MSRA: variants seen among roughly 807,000 people sequenced by gnomAD.
MSRA encodes the protein methionine sulfoxide reductase A, also known as mitochondrial peptide methionine sulfoxide reductase.
In MSRA, 54 loss-of-function variants were observed where a neutral mutation model predicts 31.3. The observed-to-expected ratio is 1.73, with a 90% CI of 1.39 to 2.17. MSRA has a LOEUF of 2.17. MSRA is among the 30% of genes most tolerant of loss of function. MSRA has a pLI of 0.00. For synonymous variants in MSRA, 169 were observed against 116.5 expected (o/e 1.45, Z -2.90); for missense variants, 507 against 300.9 (o/e 1.69, Z -5.07).
At chr8:10,415,957 G>C (rs543066111) in intron 5 of MSRA, among the ~76,000 whole-genome samples, 1 of 152,106 alleles carries the variant, frequency 6.6e-6, no homozygotes, top group South Asian at 2.1e-4. Context: ...TCTGCCTCGC[G>C]TGGTGGATAT....
chr8:10,187,181 G>A (rs1321995021), intron 1 of MSRA, among the ~76,000 whole-genome samples: 2 of 152,222 alleles, frequency 1.3e-5, no homozygotes, highest in Non-Finnish European at 2.9e-5. Context: ...ACCAGCCGCT[G>A]ATTGAGCCCC....
chr8:10,349,487 G>A (rs1380946581), intron 5 of MSRA, among the ~76,000 whole-genome samples: 1 of 152,102 alleles, frequency 6.6e-6, no homozygotes, highest in Non-Finnish European at 1.5e-5. Flanking sequence ...CTTCCCTTTG[G>A]TATTGCTTTT....
intron 1 of MSRA, 117 bp from the exon 2 acceptor site, chr8:10,207,716 G>C: frequency 1.1e-6 from 1 of 872,880 alleles, no homozygotes; most frequent in Non-Finnish European, 1.7e-6. Context: ...CAGAGGGTAA[G>C]CTTGGGTGCA....
At chr8:10,118,131 G>T (rs1433294891) in intron 1 of MSRA, among the ~76,000 whole-genome samples, 1 of 152,192 alleles carries the variant, frequency 6.6e-6, no homozygotes, top group Admixed American at 6.5e-5. Context: ...GGCAGAGCTG[G>T]AGCATTCACC....
intron 1 of MSRA, among the ~76,000 whole-genome samples, chr8:10,108,758 TAAAC>T (rs906019650): frequency 1.2e-4 from 19 of 152,166 alleles, no homozygotes; most frequent in Admixed American, 1.0e-3. Flanking sequence ...TGGCACGTTT[TAAAC>T]AAACTAATGA....
rs116926949 is a variant in MSRA, at chr8:10,361,330, A to G, written c.543+41341A>G. Among the ~76,000 whole-genome samples, 451 of 152,302 alleles carry G rather than the reference A, an allele frequency of 3.0e-3. 16 individuals are homozygous for G. In the East Asian group the frequency reaches 0.084, roughly 28 times the overall value. ...ACATCTGCCTCCACCAAAAGGCTCT[A>G]GGGTCTGTCTCCGAAGTTTATTAAA... On this transcript the variant is annotated intron_variant, in intron 5 of 5. Transcript: ENST00000317173.
chr8:10,344,856 G>A (rs751811090), intron 5 of MSRA, among the ~76,000 whole-genome samples: 3 of 152,166 alleles, frequency 2.0e-5, no homozygotes, highest in Admixed American at 6.5e-5. Context: ...TGTGTCAGGT[G>A]TCTATCACAG....
rs182297475 is a variant in MSRA, at chr8:10,344,920, G to A, written c.543+24931G>A. Among the ~76,000 whole-genome samples, 205 of 152,306 alleles carry A rather than the reference G, an allele frequency of 1.3e-3. 2 individuals carry two copies. The highest frequency in any genetic ancestry group is 4.7e-3 in the African/African-American group (195 of 41,568). On this transcript the variant is annotated intron_variant, in intron 5 of 5. Coordinates refer to ENST00000317173, the MANE Select transcript of MSRA (RefSeq NM_012331.5). ...TTAAGACAAAAATAATTGTTCTTGTGATTCTGTGGGTTGGCTGCATTGTTC... is the reference window on the plus strand; with the variant it reads ...TTAAGACAAAAATAATTGTTCTTGTAATTCTGTGGGTTGGCTGCATTGTTC...
At chr8:10,343,656 T>G (rs566212845) in intron 5 of MSRA, among the ~76,000 whole-genome samples, 108 of 152,256 alleles carry the variant, frequency 7.1e-4, no homozygotes, top group Non-Finnish European at 1.2e-3. Flanking sequence ...CGCTTTACAT[T>G]TGTAAAGGGT....
chr8:10,245,397 A>G (rs998087965), intron 3 of MSRA, among the ~76,000 whole-genome samples, 174 bp downstream of exon 3: 1 of 152,262 alleles, frequency 6.6e-6, no homozygotes, highest in Non-Finnish European at 1.5e-5. Flanking sequence ...TTAGAAGATG[A>G]TAATCTTCCT....
rs1434333232 is a variant in MSRA, at chr8:10,294,719, C to T, written c.332-6815C>T. Among the ~76,000 whole-genome samples the T allele has an allele frequency of 4.6e-5, 7 of 152,130 alleles. No homozygotes were observed. The East Asian group carries it at 7.8e-4, about 17-fold the overall frequency. ...CTTGCACAGGGCTGTCATTGCACTG[C>T]GGGCTACAGCAGAGCCCAGTTCACA... is the stretch of plus-strand genomic sequence containing the variant. On this transcript the variant is annotated intron_variant, in intron 3 of 5. Transcript: ENST00000317173.
intron 4 of MSRA, among the ~76,000 whole-genome samples, chr8:10,308,834 G>C (rs542936286): frequency 6.6e-6 from 1 of 152,208 alleles, no homozygotes; most frequent in Non-Finnish European, 1.5e-5. Context: ...GCAAGTCTTT[G>C]GAACCTCATT....
chr8:10,131,144 TG>T (rs1291794275), intron 1 of MSRA, among the ~76,000 whole-genome samples: 66 of 152,354 alleles, frequency 4.3e-4, no homozygotes, highest in African/African-American at 1.5e-3. Flanking sequence ...GATCATGTGC[TG>T]GGTCCTGTGG....
chr8:10,356,619 G>T (rs1804522713), intron 5 of MSRA, among the ~76,000 whole-genome samples: 1 of 152,196 alleles, frequency 6.6e-6, no homozygotes, highest in African/African-American at 2.4e-5. Context: ...AGGTGATTTG[G>T]TTGTGAGAGT....
intron 3 of MSRA, among the ~76,000 whole-genome samples, chr8:10,245,424 A>G (rs1171206247): frequency 6.6e-6 from 1 of 152,248 alleles, no homozygotes; most frequent in Non-Finnish European, 1.5e-5. Context: ...TGCACCATTT[A>G]GCTTTTGCTG....
At chr8:10,246,135 CATT>C (rs900180854) in intron 3 of MSRA, among the ~76,000 whole-genome samples, 12 of 152,318 alleles carry the variant, frequency 7.9e-5, no homozygotes, top group African/African-American at 2.9e-4. Context: ...CAGCTATTCT[CATT>C]GTTATTATTA....
chr8:10,335,954 C>A (rs1231333095), intron 5 of MSRA, among the ~76,000 whole-genome samples: 1 of 152,110 alleles, frequency 6.6e-6, no homozygotes, highest in Non-Finnish European at 1.5e-5. Flanking sequence ...ACTCCCGCTC[C>A]CTGATTCCAA....
chr8:10,162,619 G>T (rs552318471), intron 1 of MSRA, among the ~76,000 whole-genome samples: 3 of 152,266 alleles, frequency 2.0e-5, no homozygotes, highest in South Asian at 2.1e-4. Flanking sequence ...GGGGAAACCC[G>T]TAGCTCTGTG....
intron 5 of MSRA, among the ~76,000 whole-genome samples, chr8:10,332,586 C>A (rs1802771914): frequency 6.6e-6 from 1 of 151,994 alleles, no homozygotes; most frequent in South Asian, 2.1e-4. Flanking sequence ...TTAAAAGTGC[C>A]CATTTCTGGG....
Sources: gnomAD v4.1 joint callset for allele counts (sites outside exome capture counted in the v4.1 genomes callset) on GRCh38, gnomAD v4.1.1 for gene constraint, MANE v1.5 for transcripts, NCBI Gene and HGNC (gene_info 2026-07-23, HGNC 2026-07-21) for gene names.